The following NBAS variants were observed in gnomAD, a reference collection of about 807,000 sequenced individuals.
NBAS encodes NBAS subunit of NRZ tethering complex, also known as NAG/BC035112 fusion.
NBAS carries 219 observed loss-of-function variants against 302.5 expected under a neutral mutation model. The observed-to-expected ratio is 0.72, with a 90% CI of 0.65 to 0.81. NBAS has a LOEUF of 0.81. Among genes scored for constraint, NBAS ranks in the 30% least tolerant of loss-of-function variants. NBAS has a pLI of 0.00. For missense variants in NBAS, 2,932 were observed against 2,841.6 expected, an observed-to-expected ratio of 1.03 and a Z score of -0.72; for synonymous variants, 1,118 against 1,021.6, an observed-to-expected ratio of 1.09 and a Z score of -1.80.
chr2:14,923,717 AC>A, the NBAS span, among the ~76,000 whole-genome samples: 1 of 152,226 alleles, frequency 6.6e-6, no homozygotes, highest in Non-Finnish European at 1.5e-5. Context: ...GCCTGGCCCC[AC>A]AAAGCATGCA....
At chr2:14,966,955 T>C in the NBAS span, among the ~76,000 whole-genome samples, 2 of 152,296 alleles carry the variant, frequency 1.3e-5, no homozygotes, top group South Asian at 4.1e-4. Flanking sequence ...AAGGTTTTGG[T>C]ATACAAGATC....
At chr2:15,350,713 G>A (rs1673312712) in intron 35 of NBAS, among the ~76,000 whole-genome samples, 1 of 152,016 alleles carries the variant, frequency 6.6e-6, no homozygotes, top group African/African-American at 2.4e-5. Flanking sequence ...CAAGAGAATC[G>A]AACAAGTACC....
At chr2:15,068,593 T>A in the NBAS span, among the ~76,000 whole-genome samples, 10,519 of 106,988 alleles carry the variant, frequency 0.098, 842 homozygotes, top group African/African-American at 0.2. Flanking sequence ...TCCTGATGAC[T>A]ATTAATTGGC....
chr2:15,554,230 C>G (rs1664535178), intron 3 of NBAS, 92 bp from the exon 4 acceptor site: 1 of 1,068,772 alleles, frequency 9.4e-7, no homozygotes, highest in South Asian at 1.4e-5. Context: ...GAGAGAGACA[C>G]AGATTTTTTT....
the NBAS span, among the ~76,000 whole-genome samples, chr2:14,793,932 C>G: frequency 6.6e-6 from 1 of 152,050 alleles, no homozygotes; most frequent in South Asian, 2.1e-4. Flanking sequence ...AAAATGCTAA[C>G]TGTGATCTAT....
intron 25 of NBAS, among the ~76,000 whole-genome samples, chr2:15,405,831 C>T (rs1333739284): frequency 6.6e-6 from 1 of 151,808 alleles, no homozygotes; most frequent in African/African-American, 2.4e-5. Flanking sequence ...ACAGAGAAAA[C>T]TTAAAACTTA....
At chr2:15,032,227 T>C in the NBAS span, among the ~76,000 whole-genome samples, 1 of 152,184 alleles carries the variant, frequency 6.6e-6, no homozygotes, top group East Asian at 1.9e-4. Context: ...CCTACAAATG[T>C]GTAAGTGGCT....
At chr2:15,464,562 C>T (rs938108365) in intron 19 of NBAS, among the ~76,000 whole-genome samples, 3 of 152,148 alleles carry the variant, frequency 2.0e-5, no homozygotes, top group Admixed American at 6.5e-5. Context: ...CCCTCTACTA[C>T]TTCATTCCCA....
chr2:15,164,511 G>A (rs1663969193), downstream of NBAS, among the ~76,000 whole-genome samples: 3 of 152,174 alleles, frequency 2.0e-5, no homozygotes, highest in South Asian at 2.1e-4. Flanking sequence ...CTCACACTTC[G>A]GCTGTCTGAC....
chr2:15,071,348 G>A, the NBAS span, among the ~76,000 whole-genome samples: 7 of 152,158 alleles, frequency 4.6e-5, no homozygotes, highest in Admixed American at 6.5e-5. Flanking sequence ...CAAAGGGGCC[G>A]GGCGCGGTGG....
chr2:14,952,931 G>A, the NBAS span, among the ~76,000 whole-genome samples: 2 of 152,222 alleles, frequency 1.3e-5, no homozygotes, highest in Admixed American at 6.5e-5. Flanking sequence ...AGGGAGTCTG[G>A]AGCATGTCAG....
chr2:15,162,227 C>T (rs552308707), downstream of NBAS, among the ~76,000 whole-genome samples: 2 of 152,348 alleles, frequency 1.3e-5, no homozygotes, highest in Admixed American at 6.5e-5. Flanking sequence ...CAAGACAACA[C>T]GCATCCCATC....
intron 25 of NBAS, among the ~76,000 whole-genome samples, chr2:15,410,573 T>C (rs550628298): frequency 2.0e-5 from 3 of 149,188 alleles, no homozygotes; most frequent in East Asian, 2.0e-4. Context: ...CTAAAAGGCA[T>C]AGGAAAACAG....
At chr2:15,344,149 A>G (rs1553291534) in intron 35 of NBAS, among the ~76,000 whole-genome samples, 1 of 152,006 alleles carries the variant, frequency 6.6e-6, no homozygotes, top group Non-Finnish European at 1.5e-5. Flanking sequence ...GTTCATCATC[A>G]TTAGTTACTT....
intron 31 of NBAS, among the ~76,000 whole-genome samples, chr2:15,368,434 G>T (rs1674327562): frequency 6.6e-6 from 1 of 152,038 alleles, no homozygotes; most frequent in African/African-American, 2.4e-5. Context: ...TCCTGACCTT[G>T]TGATCCGCCC....
chr2:15,034,161 G>T, the NBAS span, among the ~76,000 whole-genome samples: 1 of 137,294 alleles, frequency 7.3e-6, no homozygotes, highest in Non-Finnish European at 1.5e-5. Flanking sequence ...AGGAGGAGGA[G>T]GTGGAGGAAG....
chr2:15,374,407 A>G (rs1674633656), intron 31 of NBAS, among the ~76,000 whole-genome samples: 1 of 152,164 alleles, frequency 6.6e-6, no homozygotes, highest in Non-Finnish European at 1.5e-5. Context: ...TAAAAAATAA[A>G]TTTATGGTAA....
At chr2:15,493,830 T>G (rs1347178384) in intron 11 of NBAS, among the ~76,000 whole-genome samples, 2 of 20,358 alleles carry the variant, frequency 9.8e-5, no homozygotes, top group Non-Finnish European at 2.9e-4. Flanking sequence ...CAATTTTCTC[T>G]TTTTTTTTTT....
At chr2:15,132,864 T>TG in the NBAS span, among the ~76,000 whole-genome samples, 2 of 146,510 alleles carry the variant, frequency 1.4e-5, no homozygotes, top group African/African-American at 2.5e-5. Context: ...ACAAACACAC[T>TG]AAAAAAAAAA....
Sources: gnomAD v4.1 joint callset for allele counts (sites outside exome capture counted in the v4.1 genomes callset) on GRCh38, gnomAD v4.1.1 for gene constraint, MANE v1.5 for transcripts, NCBI Gene and HGNC (gene_info 2026-07-23, HGNC 2026-07-21) for gene names.